The following B3GALT1 variants were observed in gnomAD, a reference collection of about 807,000 sequenced individuals.
B3GALT1 encodes the protein beta-1,3-galactosyltransferase 1.
B3GALT1 carries 10 observed loss-of-function variants against 23.2 expected under a neutral mutation model. That is an observed-to-expected ratio of 0.43 (90% CI 0.27 to 0.73). The LOEUF (loss-of-function observed/expected upper bound fraction) is 0.73, where lower values mean the gene tolerates loss of function less well. Ranked by LOEUF, B3GALT1 falls within the 30% of genes least tolerant of loss-of-function variation. The probability of loss-of-function intolerance (pLI) is 0.21; values close to 1 mark genes in which losing one functional copy is unlikely to be tolerated. For synonymous variants in B3GALT1, 156 were observed against 141.5 expected, an observed-to-expected ratio of 1.10 and a Z score of -0.73; for missense variants, 299 against 405.4, an observed-to-expected ratio of 0.74 and a Z score of 2.25.
chr2:167,606,306 A>G (rs979655214), intron 2 of B3GALT1, among the ~76,000 whole-genome samples: 1 of 152,210 alleles, frequency 6.6e-6, no homozygotes, highest in African/African-American at 2.4e-5. Flanking sequence ...TGCTTAGCTG[A>G]ATTGAAAGTA....
At chr2:167,670,749 G>A (rs1257687387) in intron 3 of B3GALT1, among the ~76,000 whole-genome samples, 1 of 152,056 alleles carries the variant, frequency 6.6e-6, no homozygotes. Context: ...GAAAAATAGA[G>A]TAAGTGAAAT....
intron 3 of B3GALT1, among the ~76,000 whole-genome samples, chr2:167,675,785 T>G (rs1054462027): frequency 7.2e-5 from 11 of 152,166 alleles, no homozygotes; most frequent in African/African-American, 2.2e-4. Flanking sequence ...GTGAAAACAT[T>G]AGGTTTACAG....
chr2:167,818,441 G>A (rs940930583), intron 3 of B3GALT1, among the ~76,000 whole-genome samples: 2 of 152,136 alleles, frequency 1.3e-5, no homozygotes, highest in East Asian at 1.9e-4. Context: ...GGGCTTGAAG[G>A]CATCTGAGTT....
At chr2:167,784,784 A>G (rs1688313910) in intron 3 of B3GALT1, among the ~76,000 whole-genome samples, 1 of 152,216 alleles carries the variant, frequency 6.6e-6, no homozygotes, top group Admixed American at 6.5e-5. Flanking sequence ...AGTATAATAT[A>G]AAATGTTATT....
intron 3 of B3GALT1, among the ~76,000 whole-genome samples, chr2:167,736,339 A>T (rs901790701): frequency 6.6e-6 from 1 of 152,220 alleles, no homozygotes; most frequent in Non-Finnish European, 1.5e-5. Context: ...CTGAAAGGCT[A>T]TGTCAAAAGA....
At chr2:167,398,517 C>T (rs1698135145) in intron 1 of B3GALT1, among the ~76,000 whole-genome samples, 1 of 151,962 alleles carries the variant, frequency 6.6e-6, no homozygotes, top group Non-Finnish European at 1.5e-5. Context: ...AGGTGTAAAT[C>T]TTACATTCAT....
chr2:167,432,323 G>A (rs1051338298), intron 1 of B3GALT1, among the ~76,000 whole-genome samples: 8 of 152,174 alleles, frequency 5.3e-5, no homozygotes, highest in African/African-American at 1.9e-4. Context: ...TGAGTGGGAG[G>A]TTTTGTTAAC....
intron 2 of B3GALT1, among the ~76,000 whole-genome samples, chr2:167,630,847 A>G (rs1191564648): frequency 6.6e-6 from 1 of 151,836 alleles, no homozygotes; most frequent in Non-Finnish European, 1.5e-5. Flanking sequence ...CAAATATACC[A>G]AAATGCCAAG....
Position 167,873,012 on chromosome 2 carries a change from A to C in B3GALT1, c.*2992A>C, listed in dbSNP as rs1045732089. 7 of 152,266 alleles carry C rather than the reference A, an allele frequency of 4.6e-5. No homozygotes were observed. The highest frequency in any genetic ancestry group is 3.4e-3 in the Middle Eastern group (1 of 294). The allele number at this position is 152,266 out of a possible 1,614,324, so 9.4% of individuals were successfully genotyped here. On this transcript the variant is annotated 3_prime_UTR_variant, in exon 5 of 5. Coordinates refer to ENST00000392690, the MANE Select transcript of B3GALT1 (RefSeq NM_020981.4). ...AAAAATGTTTAAGTGATCAAGAAAAAGCTCTAACTTTCGACTTTTGTTAAT... is the reference window on the plus strand; with the variant it reads ...AAAAATGTTTAAGTGATCAAGAAAACGCTCTAACTTTCGACTTTTGTTAAT...
intron 2 of B3GALT1, among the ~76,000 whole-genome samples, chr2:167,552,472 A>G (rs1261092933): frequency 1.3e-5 from 2 of 152,138 alleles, no homozygotes; most frequent in Admixed American, 6.5e-5. Context: ...TAGTTATACT[A>G]TAATAAAGTA....
chr2:167,617,120 T>C (rs1454118712), intron 2 of B3GALT1, among the ~76,000 whole-genome samples: 1 of 152,102 alleles, frequency 6.6e-6, no homozygotes, highest in Non-Finnish European at 1.5e-5. Flanking sequence ...TTTTCCTATG[T>C]CCCACCCTCC....
At chr2:167,665,835 T>C (rs1439454214) in intron 3 of B3GALT1, among the ~76,000 whole-genome samples, 2 of 152,128 alleles carry the variant, frequency 1.3e-5, no homozygotes, top group Admixed American at 6.5e-5. Flanking sequence ...TTATTGTGTC[T>C]ATTTGATTCT....
At chr2:167,777,888 G>A (rs1272189922) in intron 3 of B3GALT1, among the ~76,000 whole-genome samples, 1 of 151,980 alleles carries the variant, frequency 6.6e-6, no homozygotes, top group African/African-American at 2.4e-5. Flanking sequence ...ATATGGCAAT[G>A]TCTGGAGACA....
intron 4 of B3GALT1, among the ~76,000 whole-genome samples, chr2:167,825,949 G>A (rs1689215619): frequency 6.6e-6 from 1 of 152,160 alleles, no homozygotes; most frequent in Non-Finnish European, 1.5e-5. Flanking sequence ...CAGAGCAAAT[G>A]TTACAAATGT....
intron 2 of B3GALT1, among the ~76,000 whole-genome samples, chr2:167,550,972 A>G (rs1312318771): frequency 1.3e-5 from 2 of 152,186 alleles, no homozygotes; most frequent in East Asian, 3.9e-4. Flanking sequence ...CGTTCCTTCA[A>G]TCTAGTGATC....
At chr2:167,574,162 C>T (rs1196484236) in intron 2 of B3GALT1, among the ~76,000 whole-genome samples, 1 of 151,564 alleles carries the variant, frequency 6.6e-6, no homozygotes, top group Non-Finnish European at 1.5e-5. Context: ...ACAAGCTTTG[C>T]ACTTAGTACT....
intron 3 of B3GALT1, among the ~76,000 whole-genome samples, chr2:167,757,956 C>G (rs1231463115): frequency 7.2e-5 from 11 of 152,140 alleles, no homozygotes; most frequent in Admixed American, 7.2e-4. Context: ...AATATTAGAG[C>G]ACTGAACTCA....
At chr2:167,434,713 C>CT (rs1020939888) in intron 1 of B3GALT1, among the ~76,000 whole-genome samples, 3 of 137,214 alleles carry the variant, frequency 2.2e-5, no homozygotes, top group Non-Finnish European at 4.8e-5. Context: ...ATGAATGACC[C>CT]CCCCCCCTTA....
In B3GALT1 at chr2:167,562,178, A is replaced by G. The variant is rs1300769453; in HGVS notation, c.-410+71901A>G. ...TATGCAAATCAATAAATGTAATCCA[A>G]CATATAAACAGAACCAAAGGCAAAA... On this transcript the variant is annotated intron_variant, in intron 2 of 4. Coordinates refer to ENST00000392690, the MANE Select transcript of B3GALT1 (RefSeq NM_020981.4). Among the ~76,000 whole-genome samples the G allele has an allele frequency of 1.1e-4, 17 of 152,274 alleles. No homozygotes were observed. In the East Asian group the frequency reaches 3.1e-3, roughly 28 times the overall value.
Sources: allele counts gnomAD v4.1 joint callset (sites outside exome capture counted in the v4.1 genomes callset), GRCh38; gene constraint gnomAD v4.1.1; transcripts MANE v1.5; gene names NCBI Gene and HGNC (gene_info 2026-07-23, HGNC 2026-07-21).